Variants in GPR158 observed in about 807,000 individuals in gnomAD.
The protein encoded by GPR158 is G protein-coupled receptor 158.
In GPR158, 30 loss-of-function variants were observed where a neutral mutation model predicts 78.2. That is an observed-to-expected ratio of 0.38 (90% CI 0.29 to 0.52). The LOEUF is 0.52. Ranked by LOEUF, GPR158 falls within the 20% of genes least tolerant of loss-of-function variation. The pLI, the probability that GPR158 is intolerant of heterozygous loss-of-function variation, is 0.83. For missense variants in GPR158, 1,463 were observed against 1,523.5 expected, an observed-to-expected ratio of 0.96 and a Z score of 0.66; for synonymous variants, 581 against 591.1, an observed-to-expected ratio of 0.98 and a Z score of 0.25.
At chr10:25,240,394 A>G (rs1853587386) in intron 2 of GPR158, among the ~76,000 whole-genome samples, 1 of 152,190 alleles carries the variant, frequency 6.6e-6, no homozygotes, top group Non-Finnish European at 1.5e-5. Flanking sequence ...CTGTAATCCC[A>G]GCTACTTGGG....
At chr10:25,320,342 G>A (rs77896781) in intron 2 of GPR158, among the ~76,000 whole-genome samples, 2,325 of 152,238 alleles carry the variant, frequency 0.015, 67 homozygotes, top group African/African-American at 0.053. Flanking sequence ...AAATCTTTAA[G>A]TTGCATCTTA....
chr10:25,382,798 G>A (rs528323642), intron 2 of GPR158, among the ~76,000 whole-genome samples: 1 of 152,126 alleles, frequency 6.6e-6, no homozygotes, highest in East Asian at 1.9e-4. Context: ...TCCCAGATGA[G>A]CAGATTCATT....
At chr10:25,377,197 T>C (rs1834092587) in intron 2 of GPR158, among the ~76,000 whole-genome samples, 2 of 151,884 alleles carry the variant, frequency 1.3e-5, no homozygotes. Context: ...TTTTCTATTG[T>C]TCCCATGTTC....
In GPR158 at chr10:25,472,997, T is replaced by TA. The variant is rs538936040; in HGVS notation, c.1404+6279dup. The stretch of plus-strand genomic sequence containing the variant: ...CCAGAACTTCCAACACTATGTTGAA[T>TA]AGGAGTGGTGAGAGAGGGCATCCCT... On this transcript the variant is annotated intron_variant, in intron 5 of 10. Transcript: ENST00000376351. 1.6e-3 allele frequency among the ~76,000 whole-genome samples: 246 copies of TA among 152,216 alleles called. 1 individual carries two copies. The highest frequency in any genetic ancestry group is 5.6e-3 in the African/African-American group (233 of 41,532).
chr10:25,415,094 A>G (rs142700706), intron 4 of GPR158, among the ~76,000 whole-genome samples: 3 of 152,292 alleles, frequency 2.0e-5, no homozygotes, highest in African/African-American at 7.2e-5. Flanking sequence ...GAAAACATTG[A>G]CATAAATCTT....
Position 25,175,927 on chromosome 10 carries a change from C to T in GPR158, c.507C>T (p.Pro169=), listed in dbSNP as rs1199453683. 3 of 1,613,610 alleles carry T rather than the reference C, an allele frequency of 1.9e-6. No individual in the cohort carries two copies. Among genetic ancestry groups the T allele is most frequent in the Non-Finnish European group, 2.5e-6 (3 of 1,179,974 alleles). ...TGTGGAGCCTTCTGGAGGGCGAGCC[C>T]AGCATCTCCCGGGCGGCCATCACCT... The part of the protein sequence containing the change: ...ALVWSLLEGE[P]SISRAAITFS... Residue 169 remains proline, a synonymous_variant, in exon 1 of 11, where the codon CCC becomes CCT. Transcript: ENST00000376351. This position sits in a 1 kb window ranked among gnomAD's most constrained non-coding sequence, Gnocchi z 6.4.
At chr10:25,250,774 A>G (rs2130720737) in intron 2 of GPR158, among the ~76,000 whole-genome samples, 1 of 144,554 alleles carries the variant, frequency 6.9e-6, no homozygotes, top group South Asian at 2.3e-4. Context: ...TGGTGCTGAA[A>G]AAAATGTATA....
At chr10:25,467,692 C>G (rs1835444148) in intron 5 of GPR158, among the ~76,000 whole-genome samples, 1 of 151,948 alleles carries the variant, frequency 6.6e-6, no homozygotes, top group South Asian at 2.1e-4. Flanking sequence ...AAGTACACGT[C>G]AAGAGAAGAG....
chr10:25,566,425 G>A (rs1836929952), intron 6 of GPR158, among the ~76,000 whole-genome samples: 1 of 152,138 alleles, frequency 6.6e-6, no homozygotes, highest in Admixed American at 6.5e-5. Context: ...ACTCAACCCA[G>A]GAAGCCCAGC....
chr10:25,375,868 C>T (rs1407434982), intron 2 of GPR158, among the ~76,000 whole-genome samples: 5 of 151,354 alleles, frequency 3.3e-5, no homozygotes, highest in Non-Finnish European at 7.4e-5. Context: ...TTTAGTTATT[C>T]TAGGAGCTAC....
chr10:25,596,174 T>TA, intron 9 of GPR158, among the ~76,000 whole-genome samples: 1 of 152,338 alleles, frequency 6.6e-6, no homozygotes, highest in Admixed American at 6.5e-5. Context: ...TCCAAGACTT[T>TA]AAAAACAAGA....
At chr10:25,326,059 A>C (rs1855026394) in intron 2 of GPR158, among the ~76,000 whole-genome samples, 1 of 152,160 alleles carries the variant, frequency 6.6e-6, no homozygotes, top group East Asian at 1.9e-4. Context: ...CATCACCTAC[A>C]TAGTTAAGGC....
intron 5 of GPR158, among the ~76,000 whole-genome samples, chr10:25,521,935 A>G (rs1293058157): frequency 6.6e-6 from 1 of 152,240 alleles, no homozygotes; most frequent in Admixed American, 6.5e-5. Context: ...GAGTTGAGGC[A>G]CTGTGGGTGA....
At chr10:25,188,060 G>A (rs1298582951) in intron 1 of GPR158, among the ~76,000 whole-genome samples, 1 of 152,100 alleles carries the variant, frequency 6.6e-6, no homozygotes, top group Non-Finnish European at 1.5e-5. Context: ...AAAATACCTA[G>A]GAATCCAACT....
intron 1 of GPR158, among the ~76,000 whole-genome samples, chr10:25,181,044 T>G (rs1852606060): frequency 6.6e-6 from 1 of 152,188 alleles, no homozygotes; most frequent in Non-Finnish European, 1.5e-5. Context: ...GTGATTCTAT[T>G]ACAGATTTCT....
chr10:25,283,572 T>C (rs1425751980), intron 2 of GPR158, among the ~76,000 whole-genome samples: 2 of 151,964 alleles, frequency 1.3e-5, no homozygotes, highest in Non-Finnish European at 2.9e-5. Context: ...AACTCGCTTT[T>C]GGTTTTGTTG....
At chr10:25,413,639 CA>C (rs1453609783) in intron 4 of GPR158, among the ~76,000 whole-genome samples, 2 of 152,092 alleles carry the variant, frequency 1.3e-5, no homozygotes, top group Non-Finnish European at 2.9e-5. Context: ...AAAGTGTTCC[CA>C]TTAGAAATTA....
chr10:25,312,264 TTATA>T (rs111692582), intron 2 of GPR158, among the ~76,000 whole-genome samples: 2 of 151,942 alleles, frequency 1.3e-5, no homozygotes, highest in African/African-American at 4.8e-5. Context: ...CATGACTTTG[TTATA>T]TATATATCAG....
intron 6 of GPR158, among the ~76,000 whole-genome samples, chr10:25,563,615 C>T (rs1836886775): frequency 6.6e-6 from 1 of 151,934 alleles, no homozygotes; most frequent in African/African-American, 2.4e-5. Flanking sequence ...GAGTTGTTGC[C>T]CTGGAGATTA....
Sources: gnomAD v4.1 joint callset for allele counts (sites outside exome capture counted in the v4.1 genomes callset) on GRCh38, gnomAD v4.1.1 for gene constraint, Gnocchi (gnomAD v3.1) non-coding constraint, MANE v1.5 for transcripts, NCBI Gene and HGNC (gene_info 2026-07-23, HGNC 2026-07-21) for gene names.